ZNF407: variants seen among roughly 807,000 people sequenced by gnomAD.
ZNF407 encodes zinc finger protein 407.
Under a neutral mutation model 131.2 loss-of-function variants are expected in ZNF407, and 17 were observed. The observed-to-expected ratio is 0.13, with a 90% CI of 0.09 to 0.19. The LOEUF is 0.19. Ranked by LOEUF, ZNF407 falls within the 10% of genes least tolerant of loss-of-function variation. The pLI, the probability that ZNF407 is intolerant of heterozygous loss-of-function variation, is 1.00. For missense variants in ZNF407, 2,681 were observed against 2,830.6 expected (o/e 0.95, Z 1.20); for synonymous variants, 1,156 against 1,062.0 (o/e 1.09, Z -1.72).
chr18:74,755,364 T>C (rs1333034586), intron 3 of ZNF407, among the ~76,000 whole-genome samples: 1 of 152,146 alleles, frequency 6.6e-6, no homozygotes, highest in Non-Finnish European at 1.5e-5. Context: ...AATATTGTTA[T>C]GTGTGAATTT....
chr18:74,754,514 C>G (rs1968883515), intron 3 of ZNF407, among the ~76,000 whole-genome samples: 1 of 152,218 alleles, frequency 6.6e-6, no homozygotes. Context: ...CTACACACTG[C>G]TTTAAATGTG....
At chr18:74,808,351 A>T (rs999375839) in intron 4 of ZNF407, among the ~76,000 whole-genome samples, 2 of 152,178 alleles carry the variant, frequency 1.3e-5, no homozygotes, top group South Asian at 2.1e-4. Flanking sequence ...ATCTTTGCTC[A>T]TAAAGCTCTA....
chr18:74,745,417 A>G (rs924991207), intron 3 of ZNF407, among the ~76,000 whole-genome samples: 8 of 152,154 alleles, frequency 5.3e-5, no homozygotes, highest in African/African-American at 1.9e-4. Context: ...AAATGTGAAG[A>G]TCAGATGTGA....
At chr18:74,620,932 C>T (rs1474127158) in intron 1 of ZNF407, among the ~76,000 whole-genome samples, 1 of 152,170 alleles carries the variant, frequency 6.6e-6, no homozygotes, top group African/African-American at 2.4e-5. Flanking sequence ...CTGAGCCAAG[C>T]TGGCAAGGAA....
intron 7 of ZNF407, among the ~76,000 whole-genome samples, chr18:74,915,519 T>G: frequency 8.2e-6 from 1 of 121,248 alleles, no homozygotes; most frequent in South Asian, 3.0e-4. Flanking sequence ...TGTGCTGGTA[T>G]GGTGAGGTTG....
At chr18:74,614,714 T>C (rs989520493) in intron 1 of ZNF407, among the ~76,000 whole-genome samples, 7 of 152,202 alleles carry the variant, frequency 4.6e-5, no homozygotes, top group Non-Finnish European at 8.8e-5. Context: ...TTTTTGATGA[T>C]TAGCTAGATT....
intron 3 of ZNF407, among the ~76,000 whole-genome samples, chr18:74,733,386 G>T (rs1968338668): frequency 6.6e-6 from 1 of 151,854 alleles, no homozygotes; most frequent in Non-Finnish European, 1.5e-5. Flanking sequence ...TTTATTATAA[G>T]ATTTCTTCTT....
chr18:74,621,405 TGGCTGCA>T (rs1983503509), intron 1 of ZNF407, among the ~76,000 whole-genome samples: 1 of 152,170 alleles, frequency 6.6e-6, no homozygotes, highest in Admixed American at 6.5e-5. Context: ...GTCTGTCCTG[TGGCTGCA>T]GGTAGGATGT....
chr18:74,725,842 C>T (rs1009275079), intron 3 of ZNF407, among the ~76,000 whole-genome samples: 29 of 152,244 alleles, frequency 1.9e-4, no homozygotes, highest in African/African-American at 6.3e-4. Context: ...GGTTAAAACA[C>T]GATAGTCACA....
chr18:74,662,082 G>A lies in ZNF407; in HGVS notation c.4802+20960G>A, dbSNP rs180750991. 2.1e-3 allele frequency among the ~76,000 whole-genome samples: 311 copies of A among 151,494 alleles called. 5 individuals are homozygous for A. Among genetic ancestry groups the A allele is most frequent in the Admixed American group, 0.019 (284 of 15,200 alleles). ...GTATGATCAACTGGAATGCAGCAAA[G>A]CATTATGCCATCGAGTCTTTGCATT... is the stretch of plus-strand genomic sequence containing the variant. On this transcript the variant is annotated intron_variant, in intron 3 of 8. Coordinates refer to ENST00000299687, the MANE Select transcript of ZNF407 (RefSeq NM_017757.3).
intron 5 of ZNF407, among the ~76,000 whole-genome samples, chr18:74,879,956 A>G (rs368446652): frequency 3.3e-5 from 5 of 152,356 alleles, no homozygotes; most frequent in South Asian, 4.1e-4. Context: ...TTAAGTTTCT[A>G]TTATGATAAA....
At chr18:74,999,557 A>G (rs1465432876) in intron 8 of ZNF407, among the ~76,000 whole-genome samples, 6 of 152,188 alleles carry the variant, frequency 3.9e-5, no homozygotes, top group Non-Finnish European at 8.8e-5. Flanking sequence ...ATATAGGAAT[A>G]TTGCTCACGA....
At chr18:74,917,188 G>C (rs986289721) in intron 7 of ZNF407, among the ~76,000 whole-genome samples, 1 of 152,082 alleles carries the variant, frequency 6.6e-6, no homozygotes, top group Non-Finnish European at 1.5e-5. Flanking sequence ...AGCAGTCTTA[G>C]ATTTTTATTA....
rs551731467 is a variant in ZNF407, at chr18:75,051,332, A to G, written c.5429-11818A>G. The stretch of plus-strand genomic sequence containing the variant: ...TAGATGGTAAATGTGACAAACTACA[A>G]AAGCACCCGAGTGCATTCTTCCTGT... On this transcript the variant is annotated intron_variant, in intron 8 of 8. Coordinates refer to ENST00000299687, the MANE Select transcript of ZNF407 (RefSeq NM_017757.3). Among the ~76,000 whole-genome samples the G allele has an allele frequency of 3.3e-5, 5 of 152,350 alleles. No homozygotes were observed. In the East Asian group the frequency reaches 9.6e-4, roughly 29 times the overall value.
At chr18:74,952,147 G>T (rs1972221693) in intron 8 of ZNF407, among the ~76,000 whole-genome samples, 1 of 152,110 alleles carries the variant, frequency 6.6e-6, no homozygotes, top group Non-Finnish European at 1.5e-5. Context: ...GCAAGGAGAA[G>T]AAAATACTTG....
chr18:74,911,876 A>G (rs1971677489), intron 7 of ZNF407, among the ~76,000 whole-genome samples: 1 of 152,148 alleles, frequency 6.6e-6, no homozygotes, highest in Non-Finnish European at 1.5e-5. Context: ...GTGGGGAGAT[A>G]AGCAAAATGG....
rs372408823 is a variant in ZNF407 at position 74,634,032 on chromosome 18, G to C, written c.3013G>C (p.Val1005Leu). Residue 1005 changes from valine (V) to leucine (L), a missense_variant, in exon 2 of 9, where the codon GTG becomes CTG. Around this residue, in one of 6 missense-constraint regions of ZNF407, gnomAD observed 1,789 missense variants for 1,748.7 expected, o/e 1.02. Transcript: ENST00000299687. ...AGAGGACTTCGCCCAGCCGGGGGAT[G>C]TGTACTCCCAGAGAGATGTTACAGG... Reference protein sequence around the residue: ...EPEDFAQPGDVYSQRDVTGTG... With the variant: ...EPEDFAQPGDLYSQRDVTGTG... 5.0e-4 allele frequency: 801 copies of C among 1,614,052 alleles called. 7 individuals are homozygous for C. The South Asian group carries it at 5.3e-3, about 11-fold the overall frequency.
At chr18:74,784,112 C>T (rs1460416893) in intron 4 of ZNF407, among the ~76,000 whole-genome samples, 1 of 152,156 alleles carries the variant, frequency 6.6e-6, no homozygotes, top group Non-Finnish European at 1.5e-5. Flanking sequence ...GACCATCAGT[C>T]TGGGCACAAC....
At chr18:74,942,918 CT>C (rs11331408) in intron 8 of ZNF407, among the ~76,000 whole-genome samples, 29,530 of 147,546 alleles carry the variant, frequency 0.2, 3,422 homozygotes, top group African/African-American at 0.31. Context: ...TTTATTTTAT[CT>C]TTTTTTTTTT....
Sources: allele counts gnomAD v4.1 joint callset (sites outside exome capture counted in the v4.1 genomes callset), GRCh38; gene constraint gnomAD v4.1.1; regional missense constraint gnomAD v4.1.1; transcripts MANE v1.5; gene names NCBI Gene and HGNC (gene_info 2026-07-23, HGNC 2026-07-21).